The following CDC42BPG variants were observed in gnomAD, a reference collection of about 807,000 sequenced individuals.
The protein encoded by CDC42BPG is serine/threonine-protein kinase MRCK gamma.
Under a neutral mutation model 192.2 loss-of-function variants are expected in CDC42BPG, and 157 were observed. That is an observed-to-expected ratio of 0.82 (90% CI 0.72 to 0.93). The LOEUF is 0.93. CDC42BPG is among the 40% of genes least tolerant of loss of function. CDC42BPG has a pLI of 0.00. For synonymous variants in CDC42BPG, 981 were observed against 918.5 expected (o/e 1.07, Z -1.23); for missense variants, 1,992 against 2,122.1 (o/e 0.94, Z 1.20).
intron 29 of CDC42BPG, 37 bp downstream of exon 29, chr11:64,830,157 C>T (rs1942618700): frequency 1.2e-6 from 2 of 1,613,210 alleles, no homozygotes; most frequent in South Asian, 1.1e-5. Flanking sequence ...GGGGCTGCCC[C>T]TGCCCACGCC....
At chr11:64,837,559 C>A (rs1435071079) in intron 9 of CDC42BPG, among the ~76,000 whole-genome samples, 1 of 152,264 alleles carries the variant, frequency 6.6e-6, no homozygotes, top group Non-Finnish European at 1.5e-5. Context: ...CTCCCGCGTT[C>A]AAGCGATTCT....
intron 30 of CDC42BPG, 122 bp from the exon 31 acceptor site, chr11:64,827,905 C>T (rs1942510201): frequency 1.3e-6 from 1 of 782,002 alleles, no homozygotes; most frequent in South Asian, 1.9e-5. Flanking sequence ...TGAAGACTCC[C>T]TGTCGCCCGG....
At chr11:64,830,167 C>T (rs1421745577) in intron 29 of CDC42BPG, 27 bp downstream of exon 29, 7 of 1,613,286 alleles carry the variant, frequency 4.3e-6, no homozygotes, top group East Asian at 2.2e-5. Flanking sequence ...CTGCCCACGC[C>T]CACCCTAGCC....
At chr11:64,830,322 C>G (rs1348650017) in intron 28 of CDC42BPG, 66 bp from the exon 29 acceptor site, 3 of 1,295,248 alleles carry the variant, frequency 2.3e-6, no homozygotes, top group Non-Finnish European at 3.3e-6. Flanking sequence ...ATTGGGCAGT[C>G]CACCTGCCCT....
At position 64,830,004 on chromosome 11, in the gene CDC42BPG, A is replaced by G. The variant is rs200640630; in HGVS notation, c.3434T>C (p.Leu1145Pro). 36 of 1,612,300 alleles carry G rather than the reference A, an allele frequency of 2.2e-5. No individual in the cohort carries two copies. Among genetic ancestry groups the G allele is most frequent in the Non-Finnish European group, 2.9e-5 (34 of 1,179,300 alleles). Residue 1145 changes from leucine (L) to proline (P), a missense_variant, in exon 30 of 37, where the codon CTG (leucine) becomes CCG (proline). Leu to Pro is a moderately conservative substitution (Grantham distance 98). This residue lies in a region of CDC42BPG where 1,656 missense variants were observed against 1,844.3 expected (regional missense o/e 0.90). Coordinates refer to ENST00000342711, the MANE Select transcript of CDC42BPG (RefSeq NM_017525.3). ...QLTLSPSAGL[L>P]VVLCGRGPSV... is the part of the protein sequence containing the mutation. ...GGGGCCGCGGCCACACAGCACGACC[A>G]GCAGGCCTGCACTGGGGCTCAAGGT...
At chr11:64,829,350 G>T in intron 30 of CDC42BPG, 121 bp downstream of exon 30, 1 of 1,292,330 alleles carries the variant, frequency 7.7e-7, no homozygotes, top group Non-Finnish European at 1.1e-6. Flanking sequence ...TTGTTGGGCT[G>T]GAGGATGCAA....
chr11:64,844,369 T>A, intron 1 of CDC42BPG, 41 bp downstream of exon 1: 2 of 1,343,910 alleles, frequency 1.5e-6, no homozygotes, highest in Non-Finnish European at 1.9e-6. Flanking sequence ...CGGCGCGATA[T>A]CCCTAGGCCC....
intron 9 of CDC42BPG, among the ~76,000 whole-genome samples, chr11:64,837,389 C>T (rs1228780036): frequency 2.0e-5 from 3 of 152,184 alleles, no homozygotes; most frequent in African/African-American, 7.2e-5. Context: ...GACCCATTTC[C>T]TTCCACCTCA....
Position 64,834,506 on chromosome 11 carries a change from C to A in CDC42BPG, c.2247G>T (p.Leu749=). 1 of 1,578,812 alleles carries A rather than the reference C, an allele frequency of 6.3e-7. No homozygotes were observed. The change falls in exon 19 of 37, where the codon CTG becomes CTT. Residue 749 remains leucine (L), a synonymous_variant. Transcript: ENST00000342711. The part of the protein sequence containing the change: ...ASARLELQSA[L]EAEIRAKQGL... ...CCTGCTTGGCGCGGATCTCGGCCTCCAGCGCTGACTGCAGCTCCAGCCTGG... is the reference window on the plus strand; with the variant it reads ...CCTGCTTGGCGCGGATCTCGGCCTCAAGCGCTGACTGCAGCTCCAGCCTGG...
chr11:64,833,344 G>A lies in CDC42BPG; in HGVS notation c.2626-8C>T, dbSNP rs1250692294. On this transcript the variant is annotated splice_polypyrimidine_tract_variant and splice_region_variant and intron_variant, in intron 23 of 36. Transcript: ENST00000342711. ...CAGCGTGTGTGAGCCGGGCTGGGGA[G>A]GGGGACAGCCATTACCCAAGGCCTC... 5.7e-6 allele frequency: 8 copies of A among 1,409,282 alleles called. No homozygotes were observed. The highest frequency in any genetic ancestry group is 7.7e-6 in the Non-Finnish European group (8 of 1,036,524). The allele number at this position is 1,409,282 out of a possible 1,614,324, so 87.3% of individuals were successfully genotyped here.
rs374487719 is a variant in CDC42BPG, at chr11:64,833,743, T to G, written c.2560A>C (p.Met854Leu). The G allele has an allele frequency of 6.2e-7, 1 of 1,614,050 alleles. No homozygotes were observed. The highest frequency in any genetic ancestry group is 1.7e-5 in the Admixed American group (1 of 60,032). The change falls in exon 22 of 37, where the codon ATG (methionine) becomes CTG (leucine). Residue 854 changes from methionine (M) to leucine (L), a missense_variant. Physicochemically the swap from Met to Leu is conservative, Grantham distance 15 (BLOSUM62 2). Around this residue, in one of 2 missense-constraint regions of CDC42BPG, gnomAD observed 1,656 missense variants for 1,844.3 expected, o/e 0.90. Transcript: ENST00000342711. ...ATGGACCCACCTGTCCTCACCCCCA[T>G]GCGCAGGCTGCGTCGGCCCTCCGGC... ...LRPEGRRSLR[M>L]GAVFPRAPTA... is the part of the protein sequence containing the mutation.
In CDC42BPG at chr11:64,827,271, C is replaced by T. The variant is rs759781378; in HGVS notation, c.4271+7G>A. 3.2e-5 allele frequency: 52 copies of T among 1,613,294 alleles called. No individual in the cohort carries two copies. Among genetic ancestry groups the T allele is most frequent in the African/African-American group, 2.3e-4 (17 of 74,932 alleles). ...CCAGCCTCAGCCCCCGCGTCGTGCA[C>T]GCGCACCTGCGCTGCTGCTTCTGCT... On this transcript the variant is annotated splice_region_variant and intron_variant, in intron 33 of 36. Coordinates refer to ENST00000342711, the MANE Select transcript of CDC42BPG (RefSeq NM_017525.3).
At chr11:64,840,493 C>T (rs1357813094) in intron 4 of CDC42BPG, 60 bp downstream of exon 4, 2 of 1,560,420 alleles carry the variant, frequency 1.3e-6, no homozygotes, top group Non-Finnish European at 1.8e-6. Context: ...GCCCCTGGCC[C>T]CAAGGGCCCT....
Position 64,826,399 on chromosome 11 carries a change from C to A in CDC42BPG, c.4599+71G>T, listed in dbSNP as rs555841078. 1.0e-5 allele frequency: 11 copies of A among 1,069,314 alleles called. No homozygotes were observed. The African/African-American group carries it at 1.1e-4, about 11-fold the overall frequency. The allele number at this position is 1,069,314 out of a possible 1,614,324, so 66.2% of individuals were successfully genotyped here. On this transcript the variant is annotated intron_variant, in intron 36 of 36. Transcript: ENST00000342711. Reference sequence around the variant, plus strand: ...TTGTTCCCTAGCCTAGGTCACTGTGCAAGGCCTAGCATAAAACGGAACTGC... The same window carrying A: ...TTGTTCCCTAGCCTAGGTCACTGTGAAAGGCCTAGCATAAAACGGAACTGC...
At chr11:64,835,994 C>T (rs927651681) in intron 13 of CDC42BPG, 123 bp downstream of exon 13, 5 of 1,336,568 alleles carry the variant, frequency 3.7e-6, no homozygotes, top group Admixed American at 4.3e-5. Context: ...AGCCACCATC[C>T]CCTGGCCTAG....
chr11:64,827,213 C>T, intron 33 of CDC42BPG, 46 bp from the exon 34 acceptor site: 1 of 1,613,704 alleles, frequency 6.2e-7, no homozygotes, highest in Admixed American at 1.7e-5. Flanking sequence ...TCCACCCTCC[C>T]TTCGACCCGT....
chr11:64,839,522 G>T lies in CDC42BPG; in HGVS notation c.631C>A (p.Leu211Met), dbSNP rs148615430. The stretch of plus-strand genomic sequence containing the variant: ...CGCAGGCAGGAGCCGAAGTCAGCCA[G>T]GCGAATGTGCCCGTTCACATCCAGC... Reference protein sequence around the residue: ...VLLDVNGHIRLADFGSCLRLN... With the variant: ...VLLDVNGHIRMADFGSCLRLN... The change falls in exon 6 of 37, where the codon CTG becomes ATG. Residue 211 changes from leucine (L) to methionine (M), a missense_variant. By Grantham distance (15) the Leu-to-Met change is conservative. Transcript: ENST00000342711. The T allele has an allele frequency of 4.8e-5, 78 of 1,613,266 alleles. No homozygotes were observed. The African/African-American group carries it at 1.0e-3, about 21-fold the overall frequency.
rs1295191198 is a variant in CDC42BPG at position 64,832,959 on chromosome 11, G to A, written c.2732C>T (p.Ala911Val). Reference sequence around the variant, plus strand: ...GGTTGTGTGACAAAAGTAGCCGCAGGCTGTGGGGAAAGTGGAGAAGGTGGA... The same window carrying A: ...GGTTGTGTGACAAAAGTAGCCGCAGACTGTGGGGAAAGTGGAGAAGGTGGA... The part of the protein sequence containing the change: ...GLGRQGLGCD[A>V]CGYFCHTTCA... Residue 911 changes from alanine to valine, a missense_variant and splice_region_variant, in exon 25 of 37, where the codon GCC (alanine) becomes GTC (valine). By Grantham distance (64) the Ala-to-Val change is moderately conservative. Around this residue, in one of 2 missense-constraint regions of CDC42BPG, gnomAD observed 1,656 missense variants for 1,844.3 expected, o/e 0.90. Transcript: ENST00000342711. The A allele has an allele frequency of 6.5e-7, 1 of 1,527,900 alleles. No homozygotes were observed. The highest frequency in any genetic ancestry group is 8.8e-7 in the Non-Finnish European group (1 of 1,135,858). The allele number at this position is 1,527,900 out of a possible 1,614,324, so 94.6% of individuals were successfully genotyped here. A position where few individuals can be genotyped will look rare whatever the true frequency, so the allele number is the denominator to read the frequency against.
chr11:64,841,996 G>A, intron 1 of CDC42BPG, 92 bp from the exon 2 acceptor site: 2 of 1,058,992 alleles, frequency 1.9e-6, no homozygotes, highest in Non-Finnish European at 2.8e-6. Context: ...CCGCTCCTGT[G>A]AGCCCAGGCA....
Sources: gnomAD v4.1 joint callset for allele counts (sites outside exome capture counted in the v4.1 genomes callset) on GRCh38, gnomAD v4.1.1 for gene constraint, gnomAD v4.1.1 regional missense constraint, MANE v1.5 for transcripts, NCBI Gene and HGNC (gene_info 2026-07-23, HGNC 2026-07-21) for gene names.